The following RGS3 variants were observed in gnomAD, a reference collection of about 807,000 sequenced individuals.
The protein encoded by RGS3 is regulator of G-protein signalling 3.
A neutral mutation model predicts 132.6 loss-of-function variants in RGS3; 80 were observed. The observed-to-expected ratio is 0.60, with a 90% confidence interval of 0.50 to 0.73. The LOEUF (loss-of-function observed/expected upper bound fraction) is 0.73. RGS3 is among the 30% of genes least tolerant of loss of function. The pLI is 0.00. For missense variants in RGS3, 1,382 were observed against 1,530.8 expected (o/e 0.90, Z 1.62); for synonymous variants, 598 against 620.6 (o/e 0.96, Z 0.54).
chr9:113,450,696 A>G (rs1346776748), intron 1 of RGS3, among the ~76,000 whole-genome samples: 1 of 152,158 alleles, frequency 6.6e-6, no homozygotes, highest in Non-Finnish European at 1.5e-5. Context: ...AGGGAAGAGG[A>G]CTAAAGGCCA....
intron 19 of RGS3, among the ~76,000 whole-genome samples, chr9:113,540,221 C>T (rs944370562): frequency 2.0e-5 from 3 of 152,038 alleles, no homozygotes; most frequent in East Asian, 1.9e-4. Flanking sequence ...GGGACTGCTG[C>T]GAGGCTTCTA....
At chr9:113,568,254 T>G (rs1834098297) in intron 19 of RGS3, among the ~76,000 whole-genome samples, 1 of 152,212 alleles carries the variant, frequency 6.6e-6, no homozygotes, top group African/African-American at 2.4e-5. Flanking sequence ...GGGGCTCTCT[T>G]TCTGGACTCA....
At chr9:113,573,437 T>TAGCAG (rs1235371364) in intron 19 of RGS3, among the ~76,000 whole-genome samples, 2 of 152,140 alleles carry the variant, frequency 1.3e-5, no homozygotes, top group Non-Finnish European at 2.9e-5. Context: ...ATATGCCCCG[T>TAGCAG]AGCAGCCGTG....
chr9:113,515,474 C>CA (rs1019305286), intron 15 of RGS3, among the ~76,000 whole-genome samples: 4 of 151,646 alleles, frequency 2.6e-5, no homozygotes, highest in Non-Finnish European at 5.9e-5. Context: ...ACTAAAAATA[C>CA]AAAAAAATTA....
intron 24 of RGS3, among the ~76,000 whole-genome samples, chr9:113,596,060 C>T (rs1201613177): frequency 6.6e-6 from 1 of 152,248 alleles, no homozygotes; most frequent in Admixed American, 6.5e-5. Flanking sequence ...ACAGGCTGGG[C>T]ACAGTGGCTC....
At chr9:113,582,152 G>A in intron 19 of RGS3, 1 of 985,424 alleles carries the variant, frequency 1.0e-6, no homozygotes, top group Non-Finnish European at 1.2e-6. Context: ...TCCCAGCTGT[G>A]GGGCTTCACC....
intron 1 of RGS3, among the ~76,000 whole-genome samples, chr9:113,447,329 G>GTAGATATATATA (rs1829128581): frequency 3.6e-5 from 1 of 27,536 alleles, no homozygotes; most frequent in African/African-American, 9.8e-5. Context: ...GTATGTATAT[G>GTAGATATATATA]TATATATATA....
chr9:113,552,242 T>C (rs914400276), intron 19 of RGS3, among the ~76,000 whole-genome samples: 5 of 152,226 alleles, frequency 3.3e-5, no homozygotes, highest in African/African-American at 1.2e-4. Flanking sequence ...CCAATTCTTA[T>C]GCATTATATT....
At chr9:113,453,207 AT>A (rs1829297024) in intron 1 of RGS3, among the ~76,000 whole-genome samples, 1 of 114,942 alleles carries the variant, frequency 8.7e-6, no homozygotes, top group Non-Finnish European at 1.7e-5. Context: ...TAATATACTC[AT>A]TATATGATTA....
chr9:113,553,453 AAAAAAAATATAT>A lies in RGS3; in HGVS notation c.2037+16537_2037+16548del, dbSNP rs1450398466. Among the ~76,000 whole-genome samples, 523 of 104,506 alleles carry A rather than the reference AAAAAAAATATAT, an allele frequency of 5.0e-3. 10 individuals are homozygous for A. Among genetic ancestry groups the A allele is most frequent in the African/African-American group, 0.018 (467 of 25,904 alleles). 68.6% of individuals were successfully genotyped at this position (104,506 alleles called of 152,430 possible). On this transcript the variant is annotated intron_variant, in intron 19 of 24. Transcript: ENST00000350696. Reference sequence around the variant, plus strand: ...GGGAAACTCTGTTTAAAAAAAAAAAAAAAAAAATATATATATATATATATATATATATATATA... The same window carrying A: ...GGGAAACTCTGTTTAAAAAAAAAAAAATATATATATATATATATATATATA...
At chr9:113,583,665 A>T (rs1834941944) in exon 20 of RGS3, 8 of 1,613,890 alleles carry the variant, frequency 5.0e-6, no homozygotes, top group Non-Finnish European at 5.9e-6. Flanking sequence ...CCTCTGAAGG[A>T]TCCCCTCCAG....
At chr9:113,451,911 G>GT (rs1564436014) in intron 1 of RGS3, among the ~76,000 whole-genome samples, 1 of 151,956 alleles carries the variant, frequency 6.6e-6, no homozygotes, top group Non-Finnish European at 1.5e-5. Flanking sequence ...GTCAGCTTTT[G>GT]TAAGTCTGAA....
chr9:113,588,555 C>T (rs1835245237), intron 20 of RGS3, among the ~76,000 whole-genome samples: 1 of 152,186 alleles, frequency 6.6e-6, no homozygotes, highest in South Asian at 2.1e-4. Context: ...TATCAAACTG[C>T]CCTGGGCATC....
Position 113,506,253 on chromosome 9 carries a change from C to G in RGS3, c.980-135C>G. The stretch of plus-strand genomic sequence containing the variant: ...TTGAGAGGCACCAAGTTCAGTCCCT[C>G]ATTTCACGGATGAAGAAACTTAGAG... On this transcript the variant is annotated intron_variant, in intron 11 of 24. Coordinates refer to ENST00000350696, the Ensembl canonical transcript of RGS3. This position sits in a 1 kb window ranked among gnomAD's most constrained non-coding sequence, Gnocchi z 4.7. 1.6e-6 allele frequency: 1 copy of G among 619,500 alleles called. No individual in the cohort carries two copies. Among genetic ancestry groups the G allele is most frequent in the Admixed American group, 2.9e-5 (1 of 34,406 alleles). The allele number at this position is 619,500 out of a possible 1,614,324, so 38.4% of individuals were successfully genotyped here. A position where few individuals can be genotyped will look rare whatever the true frequency, so the allele number is the denominator to read the frequency against.
At chr9:113,456,663 T>C (rs1334631816), upstream of RGS3, among the ~76,000 whole-genome samples, 1 of 152,042 alleles carries the variant, frequency 6.6e-6, no homozygotes, top group African/African-American at 2.4e-5. Flanking sequence ...TTTTTTTTTT[T>C]CGTATTCTAG....
Position 113,506,459 on chromosome 9 carries a change from C to T in RGS3, c.1051C>T (p.His351Tyr). Residue 351 changes from histidine to tyrosine, a missense_variant, in exon 12 of 25, where the codon CAC becomes TAC. Transcript: ENST00000350696. The surrounding 1 kb of genome is among the most constrained non-coding windows in gnomAD (Gnocchi z 4.7). ...GCAGCTGAATGAGAGGCCTGTGGAGCACTGGAAATGTGTGGAGCTGGCCCA... is the reference window on the plus strand; with the variant it reads ...GCAGCTGAATGAGAGGCCTGTGGAGTACTGGAAATGTGTGGAGCTGGCCCA... 4 of 1,597,808 alleles carry T rather than the reference C, an allele frequency of 2.5e-6. No individual in the cohort carries two copies. Among genetic ancestry groups the T allele is most frequent in the Non-Finnish European group, 3.4e-6 (4 of 1,173,508 alleles).
At position 113,537,336 on chromosome 9, in the gene RGS3, A is replaced by C. The variant is rs1022838961; in HGVS notation, c.2037+418A>C. On this transcript the variant is annotated intron_variant, in intron 19 of 24. Transcript: ENST00000350696. The surrounding 1 kb of genome is among the most constrained non-coding windows in gnomAD (Gnocchi z 4.3). Reference sequence around the variant, plus strand: ...GCGATAGAGGGGATGTTTGCGGCAGAAGCTGTTGTATGCTGTATAGTTCCA... The same window carrying C: ...GCGATAGAGGGGATGTTTGCGGCAGCAGCTGTTGTATGCTGTATAGTTCCA... Among the ~76,000 whole-genome samples the C allele has an allele frequency of 1.3e-5, 2 of 152,152 alleles. No individual in the cohort carries two copies. The highest frequency in any genetic ancestry group is 2.9e-5 in the Non-Finnish European group (2 of 68,024).
At chr9:113,485,246 C>T (rs535968736) in intron 6 of RGS3, among the ~76,000 whole-genome samples, 1 of 152,216 alleles carries the variant, frequency 6.6e-6, no homozygotes, top group African/African-American at 2.4e-5. Context: ...TGCCGCCATG[C>T]CTGGCTAATT....
In RGS3 at chr9:113,584,429, T is replaced by C. The variant is rs764824114; in HGVS notation, c.3015+2T>C. Reference sequence around the variant, plus strand: ...CTCTTCTTCACAGGACACAGGAAGGTGAGAAAGCTAAAGGGGGAGGGAGAA... The same window carrying C: ...CTCTTCTTCACAGGACACAGGAAGGCGAGAAAGCTAAAGGGGGAGGGAGAA... On this transcript the variant is annotated splice_donor_variant, in intron 20 of 24. Coordinates refer to ENST00000350696, the Ensembl canonical transcript of RGS3. LOFTEE classifies it high-confidence loss of function. 6.6e-7 allele frequency: 1 copy of C among 1,505,412 alleles called. No homozygotes were observed. The allele number at this position is 1,505,412 out of a possible 1,614,324, so 93.3% of individuals were successfully genotyped here.
Sources: allele counts gnomAD v4.1 joint callset (sites outside exome capture counted in the v4.1 genomes callset), GRCh38; gene constraint gnomAD v4.1.1; non-coding constraint Gnocchi (gnomAD v3.1); transcripts MANE v1.5; gene names NCBI Gene and HGNC (gene_info 2026-07-23, HGNC 2026-07-21).